CSPG5: variants seen among roughly 807,000 people sequenced by gnomAD.
CSPG5 encodes the protein chondroitin sulfate proteoglycan 5, also known as acidic leucine-rich EGF-like domain-containing brain protein.
Under a neutral mutation model 39.8 loss-of-function variants are expected in CSPG5, and 25 were observed. The ratio of observed to expected loss-of-function variants is 0.63; its 90% CI spans 0.46 to 0.88. The LOEUF is 0.88. Among genes scored for constraint, CSPG5 ranks in the 40% least tolerant of loss-of-function variants. The pLI is 0.00. For missense variants in CSPG5, 627 were observed against 702.2 expected, an observed-to-expected ratio of 0.89 and a Z score of 1.21; for synonymous variants, 295 against 303.9, an observed-to-expected ratio of 0.97 and a Z score of 0.31.
At position 47,562,518 on chromosome 3, in the gene CSPG5, A is replaced by C. The variant is rs117112486; in HGVS notation, c.*82T>G. 1.0e-3 allele frequency: 1,321 copies of C among 1,306,174 alleles called. 23 individuals are homozygous for C. The East Asian group carries it at 0.03, about 30-fold the overall frequency. The allele number at this position is 1,306,174 out of a possible 1,614,324, so 80.9% of individuals were successfully genotyped here. On this transcript the variant is annotated 3_prime_UTR_variant, in exon 5 of 5. Coordinates refer to ENST00000264723, the MANE Select transcript of CSPG5 (RefSeq NM_006574.4). ...AAGAGTTTAACAAATGGTTACAAGA[A>C]ATAGACTCTGTACAAGAGGAGATAA...
Position 47,562,729 on chromosome 3 carries a change from C to G in CSPG5, c.1491G>C (p.Glu497Asp), listed in dbSNP as rs767034065. 5.0e-6 allele frequency: 8 copies of G among 1,613,680 alleles called. No homozygotes were observed. The highest frequency in any genetic ancestry group is 6.8e-6 in the Non-Finnish European group (8 of 1,179,944). Residue 497 changes from glutamate to aspartate, a missense_variant, in exon 5 of 5, where the codon GAG (glutamate) becomes GAC (aspartate). Transcript: ENST00000264723. The part of the protein sequence containing the change: ...DDPSAPHKIQ[E>D]VLKSCLKEEE... ...CCTCTTTCAGGCAGGACTTGAGAAC[C>G]TCCTGGATTTTGTGGGGAGCACTAG...
Position 47,577,981 on chromosome 3 carries a change from C to T in CSPG5, c.98-53G>A. ...CGTCAGGGCGGCGCGCTGAGGAGCC[C>T]TGGAGCCCCGGCCCGCCCCGGTCAG... On this transcript the variant is annotated intron_variant, in intron 1 of 4. Transcript: ENST00000264723. This position sits in a 1 kb window ranked among gnomAD's most constrained non-coding sequence, Gnocchi z 4.7. The T allele has an allele frequency of 2.9e-6, 4 of 1,369,796 alleles. No homozygotes were observed. The highest frequency in any genetic ancestry group is 3.7e-6 in the Non-Finnish European group (4 of 1,070,706). 84.9% of individuals were successfully genotyped at this position (1,369,796 alleles called of 1,614,324 possible).
chr3:47,577,434 T>A lies in CSPG5; in HGVS notation c.592A>T (p.Thr198Ser). ...GPELTYPFQG[T>S]LEPQPASDII... ...TCTGATGCCGGTTGGGGCTCCAGGG[T>A]GCCCTGAAATGGGTAAGTCAGCTCT... Residue 198 changes from threonine (T) to serine (S), a missense_variant, in exon 2 of 5, where the codon ACC becomes TCC. Transcript: ENST00000264723. The surrounding 1 kb of genome is among the most constrained non-coding windows in gnomAD (Gnocchi z 4.7). 6.2e-7 allele frequency: 1 copy of A among 1,613,988 alleles called. No homozygotes were observed. The highest frequency in any genetic ancestry group is 8.5e-7 in the Non-Finnish European group (1 of 1,179,992).
chr3:47,564,235 C>T (rs1312988916), intron 4 of CSPG5, among the ~76,000 whole-genome samples: 2 of 152,180 alleles, frequency 1.3e-5, no homozygotes, highest in Non-Finnish European at 2.9e-5. Flanking sequence ...CTGGTGAGCC[C>T]TCGTCTGTGC....
intron 3 of CSPG5, among the ~76,000 whole-genome samples, chr3:47,570,673 A>G (rs1030582300): frequency 2.0e-5 from 3 of 151,712 alleles, no homozygotes; most frequent in Non-Finnish European, 4.4e-5. Flanking sequence ...ATGCCCAGCT[A>G]TTTTTTGTAT....
intron 2 of CSPG5, among the ~76,000 whole-genome samples, chr3:47,573,997 G>A (rs2031615410): frequency 6.6e-6 from 1 of 152,208 alleles, no homozygotes; most frequent in African/African-American, 2.4e-5. Flanking sequence ...GCAACCAACG[G>A]CTCAGCAGTC....
chr3:47,578,869 C>G (rs1025235952), upstream of CSPG5: 4 of 147,508 alleles, frequency 2.7e-5, no homozygotes, highest in African/African-American at 7.3e-5. The surrounding 1 kb of genome is among the most constrained non-coding windows in gnomAD (Gnocchi z 6.0). Flanking sequence ...CGCGCCTCCC[C>G]GCCTCCCGCG....
Position 47,576,875 on chromosome 3 carries a change from C to T in CSPG5, c.1151G>A (p.Gly384Asp), listed in dbSNP as rs2031759330. 1 of 1,589,252 alleles carries T rather than the reference C, an allele frequency of 6.3e-7. No individual in the cohort carries two copies. The highest frequency in any genetic ancestry group is 8.6e-7 in the Non-Finnish European group (1 of 1,165,652). ...CDLFPSYCHN[G>D]GQCYLVENIG... is the part of the protein sequence containing the mutation. Reference sequence around the variant, plus strand: ...GTTCTCCACCAGGTAGCACTGGCCGCCATTGTGACAGTAACTTGGGAAGAG... The same window carrying T: ...GTTCTCCACCAGGTAGCACTGGCCGTCATTGTGACAGTAACTTGGGAAGAG... Residue 384 changes from glycine (G) to aspartate (D), a missense_variant, in exon 2 of 5, where the codon GGC (glycine) becomes GAC (aspartate). Coordinates refer to ENST00000264723, the MANE Select transcript of CSPG5 (RefSeq NM_006574.4).
At position 47,577,806 on chromosome 3, in the gene CSPG5, A is replaced by G. The variant is rs2031825213; in HGVS notation, c.220T>C (p.Ser74Pro). The stretch of plus-strand genomic sequence containing the variant: ...AGCTCGCCACCGGGCGCCGTCCACG[A>G]CGCCTCATCTTCCCCAGCCGCTGGT... ...GPPAAGEDEA[S>P]WTAPGGELAG... Residue 74 changes from serine to proline, a missense_variant, in exon 2 of 5, where the codon TCG (serine) becomes CCG (proline). Ser to Pro is a moderately conservative substitution (Grantham distance 74). Coordinates refer to ENST00000264723, the MANE Select transcript of CSPG5 (RefSeq NM_006574.4). This position sits in a 1 kb window ranked among gnomAD's most constrained non-coding sequence, Gnocchi z 4.7. 1.3e-6 allele frequency: 2 copies of G among 1,579,152 alleles called. No individual in the cohort carries two copies. Among genetic ancestry groups the G allele is most frequent in the East Asian group, 2.3e-5 (1 of 42,930 alleles).
chr3:47,577,804 C>G lies in CSPG5; in HGVS notation c.222G>C (p.Ser74=). 6.3e-7 allele frequency: 1 copy of G among 1,581,228 alleles called. No homozygotes were observed. The highest frequency in any genetic ancestry group is 1.1e-5 in the South Asian group (1 of 89,024). ...CCAGCTCGCCACCGGGCGCCGTCCA[C>G]GACGCCTCATCTTCCCCAGCCGCTG... ...GPPAAGEDEA[S]WTAPGGELAG... is the part of the protein sequence containing the mutation. The change falls in exon 2 of 5, where the codon TCG becomes TCC. Residue 74 remains serine (S), a synonymous_variant. Coordinates refer to ENST00000264723, the MANE Select transcript of CSPG5 (RefSeq NM_006574.4). The surrounding 1 kb of genome is among the most constrained non-coding windows in gnomAD (Gnocchi z 4.7).
At chr3:47,567,846 T>C (rs527866606) in intron 4 of CSPG5, among the ~76,000 whole-genome samples, 15 of 152,216 alleles carry the variant, frequency 9.9e-5, no homozygotes, top group Admixed American at 5.2e-4. Context: ...ACCTCAACTT[T>C]ACAAAAGTTA....
chr3:47,569,146 C>A lies in CSPG5; in HGVS notation c.1458+6G>T. ...AGGTACGGGGAGTGTTGCAAAGTTT[C>A]CTTACATTTGGGTGAGAGCCCTCGG... On this transcript the variant is annotated splice_donor_region_variant and intron_variant, in intron 4 of 4. Coordinates refer to ENST00000264723, the MANE Select transcript of CSPG5 (RefSeq NM_006574.4). 1 of 1,608,346 alleles carries A rather than the reference C, an allele frequency of 6.2e-7. No homozygotes were observed. The highest frequency in any genetic ancestry group is 8.5e-7 in the Non-Finnish European group (1 of 1,177,694).
rs997781659 is a variant in CSPG5 at position 47,578,183 on chromosome 3, G to T, written c.98-255C>A. On this transcript the variant is annotated intron_variant, in intron 1 of 4. Coordinates refer to ENST00000264723, the MANE Select transcript of CSPG5 (RefSeq NM_006574.4). This position sits in a 1 kb window ranked among gnomAD's most constrained non-coding sequence, Gnocchi z 6.0. ...CCCCGCCCGACCTGCCCCGCCGTCT[G>T]AAGAGCCAGGCCAGGGCGGCCCCCA... 6.1e-6 allele frequency: 3 copies of T among 494,866 alleles called. No individual in the cohort carries two copies. The highest frequency in any genetic ancestry group is 5.7e-4 in the Middle Eastern group (1 of 1,760). 30.7% of individuals were successfully genotyped at this position (494,866 alleles called of 1,614,324 possible).
chr3:47,569,040 T>C (rs532672547), intron 4 of CSPG5, 112 bp downstream of exon 4: 169 of 1,455,754 alleles, frequency 1.2e-4, no homozygotes, highest in Non-Finnish European at 1.4e-4. Flanking sequence ...AAAGCATGCA[T>C]AAGAGGAGAG....
chr3:47,579,296 C>T (rs540959397), upstream of CSPG5: 364 of 152,476 alleles, frequency 2.4e-3, no homozygotes, highest in Non-Finnish European at 4.2e-3. This position sits in a 1 kb window ranked among gnomAD's most constrained non-coding sequence, Gnocchi z 4.2. Context: ...ACTGTGGAAA[C>T]AAGCCAGGCC....
upstream of CSPG5, chr3:47,578,987 A>G (rs1484360209): frequency 6.5e-6 from 1 of 152,818 alleles, no homozygotes; most frequent in Non-Finnish European, 1.5e-5. This position sits in a 1 kb window ranked among gnomAD's most constrained non-coding sequence, Gnocchi z 6.0. Flanking sequence ...CCAGGGGAAC[A>G]GACAGACCCC....
chr3:47,577,227 G>A lies in CSPG5; in HGVS notation c.799C>T (p.Pro267Ser). ...AAGTCATCATAAAAGGATGTGGTGG[G>A]GTAGAAATCAGATTCATCGAAGGGG... is the stretch of plus-strand genomic sequence containing the variant. ...FTPFDESDFY[P>S]TTSFYDDLDE... Residue 267 changes from proline (P) to serine (S), a missense_variant, in exon 2 of 5, where the codon CCC becomes TCC. Transcript: ENST00000264723. The surrounding 1 kb of genome is among the most constrained non-coding windows in gnomAD (Gnocchi z 4.7). 1 of 1,608,100 alleles carries A rather than the reference G, an allele frequency of 6.2e-7. No individual in the cohort carries two copies. The highest frequency in any genetic ancestry group is 8.5e-7 in the Non-Finnish European group (1 of 1,177,060).
At chr3:47,569,083 G>C in intron 4 of CSPG5, 69 bp downstream of exon 4, 1 of 1,537,476 alleles carries the variant, frequency 6.5e-7, no homozygotes, top group Non-Finnish European at 8.7e-7. Context: ...GACAGATAAC[G>C]TTATCATAGT....
Position 47,578,544 on chromosome 3 carries a change from T to C in CSPG5, c.97+53A>G. The C allele has an allele frequency of 4.9e-6, 3 of 607,760 alleles. No individual in the cohort carries two copies. The highest frequency in any genetic ancestry group is 6.7e-6 in the Non-Finnish European group (3 of 450,120). 37.6% of individuals were successfully genotyped at this position (607,760 alleles called of 1,614,324 possible). The stretch of plus-strand genomic sequence containing the variant: ...CTGTCCCCGCCGCCAGCGGGACCCC[T>C]GCCCTGGGTGGGGCACGAGGGCCGC... On this transcript the variant is annotated intron_variant, in intron 1 of 4. Coordinates refer to ENST00000264723, the MANE Select transcript of CSPG5 (RefSeq NM_006574.4). This position sits in a 1 kb window ranked among gnomAD's most constrained non-coding sequence, Gnocchi z 6.0.
Sources: allele counts gnomAD v4.1 joint callset (sites outside exome capture counted in the v4.1 genomes callset), GRCh38; gene constraint gnomAD v4.1.1; non-coding constraint Gnocchi (gnomAD v3.1); transcripts MANE v1.5; gene names NCBI Gene and HGNC (gene_info 2026-07-23, HGNC 2026-07-21).